Variants in TRAPPC9 observed in about 807,000 individuals in gnomAD.
The protein encoded by TRAPPC9 is trafficking protein particle complex subunit 9.
In TRAPPC9, 83 loss-of-function variants were observed where a neutral mutation model predicts 124.0. The ratio of observed to expected loss-of-function variants is 0.67; its 90% confidence interval spans 0.56 to 0.80. The LOEUF (loss-of-function observed/expected upper bound fraction) is 0.80, where lower values mean the gene tolerates loss of function less well. TRAPPC9 is among the 30% of genes least tolerant of loss of function. The probability of loss-of-function intolerance (pLI) is 0.00; values close to 1 mark genes in which losing one functional copy is unlikely to be tolerated. For synonymous variants in TRAPPC9, 638 were observed against 617.5 expected, an observed-to-expected ratio of 1.03 and a Z score of -0.49; for missense variants, 1,302 against 1,508.3, an observed-to-expected ratio of 0.86 and a Z score of 2.27.
chr8:139,927,253 TC>T (rs1488181790), intron 19 of TRAPPC9, among the ~76,000 whole-genome samples: 1 of 139,950 alleles, frequency 7.1e-6, no homozygotes, highest in Non-Finnish European at 1.6e-5. Flanking sequence ...TTCTTTTCTT[TC>T]TTTTTTTTTT....
upstream of TRAPPC9, chr8:140,457,796 C>T (rs546624664): frequency 2.3e-4 from 233 of 1,027,968 alleles, no homozygotes; most frequent in Non-Finnish European, 2.6e-4. Flanking sequence ...AGGCCTGGGC[C>T]CCCGATCCGT....
chr8:140,272,945 T>C (rs1045237125), intron 15 of TRAPPC9, among the ~76,000 whole-genome samples: 4 of 148,086 alleles, frequency 2.7e-5, no homozygotes, highest in African/African-American at 1.0e-4. Flanking sequence ...CCACAGCAAG[T>C]AGTAACTTGT....
intron 21 of TRAPPC9, among the ~76,000 whole-genome samples, chr8:139,811,245 T>C (rs1231438662): frequency 6.6e-6 from 1 of 151,948 alleles, no homozygotes; most frequent in Non-Finnish European, 1.5e-5. Context: ...GGATATGAAA[T>C]TGTGGATATT....
At chr8:139,745,375 C>T (rs1431731020) in intron 21 of TRAPPC9, among the ~76,000 whole-genome samples, 1 of 152,220 alleles carries the variant, frequency 6.6e-6, no homozygotes, top group African/African-American at 2.4e-5. Flanking sequence ...TGATCCTGGC[C>T]AGAGAGAAAT....
At chr8:140,275,341 T>C (rs902794568) in intron 15 of TRAPPC9, among the ~76,000 whole-genome samples, 6 of 152,186 alleles carry the variant, frequency 3.9e-5, no homozygotes, top group African/African-American at 1.2e-4. Context: ...ATTGAAGAAA[T>C]AGTTCTGCTG....
intron 21 of TRAPPC9, among the ~76,000 whole-genome samples, chr8:139,754,279 C>T (rs764262033): frequency 8.5e-5 from 13 of 152,230 alleles, no homozygotes; most frequent in Non-Finnish European, 1.8e-4. Flanking sequence ...CCTTTGACTG[C>T]CTGGTCTCAG....
chr8:139,998,771 T>A (rs184387262), intron 18 of TRAPPC9, among the ~76,000 whole-genome samples: 1 of 152,078 alleles, frequency 6.6e-6, no homozygotes, highest in Non-Finnish European at 1.5e-5. Context: ...CAATGAACGA[T>A]ATATGATGAA....
chr8:140,180,697 T>C (rs932911586), intron 17 of TRAPPC9, among the ~76,000 whole-genome samples: 1 of 134,364 alleles, frequency 7.4e-6, no homozygotes, highest in African/African-American at 2.7e-5. Context: ...TTTTTTTTTT[T>C]ACCAAGTGAA....
intron 19 of TRAPPC9, among the ~76,000 whole-genome samples, chr8:139,972,456 G>T (rs1192588234): frequency 6.6e-6 from 1 of 152,178 alleles, no homozygotes; most frequent in East Asian, 1.9e-4. Context: ...GGAAAACACA[G>T]AATTCCTCTG....
Position 140,371,121 on chromosome 8 carries a change from G to A in TRAPPC9, c.1194C>T (p.Ile398=), listed in dbSNP as rs587780484. 1.4e-4 allele frequency: 233 copies of A among 1,614,148 alleles called. No individual in the cohort carries two copies. The highest frequency in any genetic ancestry group is 1.9e-4 in the Non-Finnish European group (222 of 1,180,024). The stretch of plus-strand genomic sequence containing the variant: ...AGAACGCAGACTTGCGATGGAAGCC[G>A]ATCAGCTCATAGAGCTCGGAGAGGA... The part of the protein sequence containing the change: ...YSILSELYEL[I]GFHRKSAFFK... The change falls in exon 8 of 23, where the codon ATC becomes ATT. Residue 398 remains isoleucine (I), a synonymous_variant. Coordinates refer to ENST00000438773, the MANE Select transcript of TRAPPC9 (RefSeq NM_001160372.4).
At position 139,997,717 on chromosome 8, in the gene TRAPPC9, C is replaced by T. The variant is rs1258543188; in HGVS notation, c.2700-8881G>A. ...TCCTACACAGGGAGACAATGCATCC[C>T]ACACAGGGGAAACAATGCATCCTAC... On this transcript the variant is annotated intron_variant, in intron 18 of 22. Coordinates refer to ENST00000438773, the MANE Select transcript of TRAPPC9 (RefSeq NM_001160372.4). Among the ~76,000 whole-genome samples the T allele has an allele frequency of 2.7e-3, 186 of 69,852 alleles. 9 individuals are homozygous for T. The highest frequency in any genetic ancestry group is 0.017 in the Middle Eastern group (1 of 58). 45.8% of individuals were successfully genotyped at this position (69,852 alleles called of 152,430 possible). A position where few individuals can be genotyped will look rare whatever the true frequency, so the allele number is the denominator to read the frequency against.
At chr8:139,844,006 C>T (rs951866124) in intron 21 of TRAPPC9, among the ~76,000 whole-genome samples, 17 of 152,228 alleles carry the variant, frequency 1.1e-4, no homozygotes, top group African/African-American at 4.1e-4. Context: ...TGGCATATCT[C>T]GTCCTGTCCT....
At chr8:140,113,494 G>C (rs142118266) in intron 17 of TRAPPC9, among the ~76,000 whole-genome samples, 4 of 152,296 alleles carry the variant, frequency 2.6e-5, no homozygotes, top group Non-Finnish European at 5.9e-5. Flanking sequence ...TGTCAAGGAT[G>C]GGGAGAGAGA....
chr8:139,731,939 G>A (rs1470632037), intron 22 of TRAPPC9, 40 bp downstream of exon 22: 1 of 1,537,596 alleles, frequency 6.5e-7, no homozygotes, highest in Non-Finnish European at 8.8e-7. Context: ...ATGACCACAT[G>A]GCCAGAGGCT....
intron 7 of TRAPPC9, among the ~76,000 whole-genome samples, chr8:140,390,027 G>A (rs2068879581): frequency 1.3e-5 from 2 of 152,226 alleles, no homozygotes; most frequent in Non-Finnish European, 2.9e-5. Flanking sequence ...ATGAAGGCCA[G>A]GCGTGGTGGC....
intron 17 of TRAPPC9, among the ~76,000 whole-genome samples, chr8:140,033,657 GGTTTTTTTTTTTTTT>G (rs1310490722): frequency 5.1e-4 from 25 of 49,304 alleles, no homozygotes; most frequent in African/African-American, 1.1e-3. Context: ...TTCATAATGT[GGTTTTTTTTTTTTTT>G]TTTTTTTTTT....
intron 17 of TRAPPC9, among the ~76,000 whole-genome samples, chr8:140,092,115 T>G (rs1844606915): frequency 6.6e-6 from 1 of 151,552 alleles, no homozygotes; most frequent in Non-Finnish European, 1.5e-5. Flanking sequence ...ACCAAAATAT[T>G]GATGGAAGCC....
chr8:140,179,993 A>ATTTTTTTTTTTTT lies in TRAPPC9; in HGVS notation c.2556+41453_2556+41465dup, dbSNP rs71520259. On this transcript the variant is annotated intron_variant, in intron 17 of 22. Coordinates refer to ENST00000438773, the MANE Select transcript of TRAPPC9 (RefSeq NM_001160372.4). ...ATAAACAATTTATAGTTATATCTTG[A>ATTTTTTTTTTTTT]TTTTTTTTTTTTTTTTTTTTTGGCC... 1.4e-3 allele frequency among the ~76,000 whole-genome samples: 126 copies of ATTTTTTTTTTTTT among 90,032 alleles called. 8 individuals carry two copies. The highest frequency in any genetic ancestry group is 2.0e-3 in the Non-Finnish European group (98 of 49,638). 59.1% of individuals were successfully genotyped at this position (90,032 alleles called of 152,430 possible).
chr8:140,380,580 G>A (rs576102748), intron 7 of TRAPPC9, among the ~76,000 whole-genome samples: 32 of 150,238 alleles, frequency 2.1e-4, no homozygotes, highest in African/African-American at 4.2e-4. Context: ...ACTTGAACCC[G>A]GGAGGCGGGG....
Sources: allele counts gnomAD v4.1 joint callset (sites outside exome capture counted in the v4.1 genomes callset), GRCh38; gene constraint gnomAD v4.1.1; transcripts MANE v1.5; gene names NCBI Gene and HGNC (gene_info 2026-07-23, HGNC 2026-07-21).